The following HMGCLL1 variants were observed in gnomAD, a reference collection of about 807,000 sequenced individuals.
The protein encoded by HMGCLL1 is 3-hydroxy-3-methylglutaryl-CoA lyase like 1, also known as 3-hydroxymethyl-3-methylglutaryl-CoA lyase, cytoplasmic.
HMGCLL1 carries 36 observed loss-of-function variants against 39.1 expected under a neutral mutation model. That is an observed-to-expected ratio of 0.92 (90% CI 0.71 to 1.22). The LOEUF (loss-of-function observed/expected upper bound fraction) is 1.22, where lower values mean the gene tolerates loss of function less well. HMGCLL1 is among the 50% of genes most tolerant of loss of function. The probability of loss-of-function intolerance (pLI) is 0.00; values close to 1 mark genes in which losing one functional copy is unlikely to be tolerated. For synonymous variants in HMGCLL1, 149 were observed against 144.0 expected (o/e 1.03, Z -0.25); for missense variants, 451 against 416.5 (o/e 1.08, Z -0.72).
the HMGCLL1 span, among the ~76,000 whole-genome samples, chr6:55,592,443 T>C: frequency 6.6e-6 from 1 of 152,208 alleles, no homozygotes; most frequent in East Asian, 1.9e-4. Flanking sequence ...TGTTTGTTGG[T>C]CTTTATGCTT....
At chr6:55,545,225 A>AG (rs1458561798) in intron 1 of HMGCLL1, among the ~76,000 whole-genome samples, 12 of 67,330 alleles carry the variant, frequency 1.8e-4, no homozygotes, top group South Asian at 1.6e-3. Context: ...AAAAAAAAAA[A>AG]AAAGAAGAAA....
chr6:55,553,100 G>C (rs1413531835), intron 1 of HMGCLL1, among the ~76,000 whole-genome samples: 1 of 151,592 alleles, frequency 6.6e-6, no homozygotes, highest in African/African-American at 2.4e-5. Context: ...CCGAGATCGT[G>C]CCATTGCACT....
At chr6:55,489,884 A>G (rs1038725535) in intron 7 of HMGCLL1, among the ~76,000 whole-genome samples, 5 of 152,142 alleles carry the variant, frequency 3.3e-5, no homozygotes, top group African/African-American at 1.2e-4. Flanking sequence ...CTTCTAGTGT[A>G]ACAGAATTCT....
chr6:55,661,302 C>T, the HMGCLL1 span, among the ~76,000 whole-genome samples: 1 of 151,746 alleles, frequency 6.6e-6, no homozygotes, highest in Non-Finnish European at 1.5e-5. Context: ...TTCCTATTTC[C>T]AGAAGTCTGT....
intron 3 of HMGCLL1, among the ~76,000 whole-genome samples, chr6:55,537,641 C>A (rs1381213941): frequency 2.0e-5 from 3 of 152,090 alleles, no homozygotes. Flanking sequence ...ACTCAGGGAC[C>A]ATTCACGTGC....
At chr6:55,667,497 A>T in the HMGCLL1 span, among the ~76,000 whole-genome samples, 1 of 151,740 alleles carries the variant, frequency 6.6e-6, no homozygotes, top group African/African-American at 2.4e-5. Context: ...AAGCCTACTC[A>T]GCTAATAAGT....
the HMGCLL1 span, among the ~76,000 whole-genome samples, chr6:55,617,511 T>G: frequency 1.3e-5 from 2 of 152,098 alleles, no homozygotes; most frequent in African/African-American, 4.8e-5. Flanking sequence ...TGCTAGGTTG[T>G]GAGGAGAGGG....
chr6:55,495,372 G>A, intron 7 of HMGCLL1, 47 bp downstream of exon 7: 2 of 1,372,496 alleles, frequency 1.5e-6, no homozygotes, highest in East Asian at 2.4e-5. Flanking sequence ...TACAGATAAA[G>A]ATGAACACCC....
chr6:55,579,046 C>T lies in HMGCLL1; in HGVS notation c.10G>A (p.Val4Met). MGN[V>M]PSAVKHCLSY... The stretch of plus-strand genomic sequence containing the variant: ...AGGCAGTGCTTCACCGCGGATGGCA[C>T]ATTCCCCATGGCGGAGCCTGGGGCG... Residue 4 changes from valine (V) to methionine (M), a missense_variant, in exon 1 of 9, where the codon GTG becomes ATG. Transcript: ENST00000274901. 1.2e-6 allele frequency: 2 copies of T among 1,611,194 alleles called. No individual in the cohort carries two copies. Among genetic ancestry groups the T allele is most frequent in the Non-Finnish European group, 1.7e-6 (2 of 1,178,550 alleles).
chr6:55,663,586 T>C, the HMGCLL1 span, among the ~76,000 whole-genome samples: 2 of 152,042 alleles, frequency 1.3e-5, no homozygotes, highest in East Asian at 3.9e-4. Context: ...AGGATTGTTT[T>C]ACTTTCAATG....
chr6:55,499,853 G>A (rs1209623751), intron 5 of HMGCLL1, among the ~76,000 whole-genome samples: 2 of 151,902 alleles, frequency 1.3e-5, no homozygotes, highest in Non-Finnish European at 2.9e-5. Context: ...AAACAGAAGA[G>A]TGTCTAGTGT....
intron 3 of HMGCLL1, among the ~76,000 whole-genome samples, chr6:55,537,927 A>G (rs569851810): frequency 1.3e-5 from 2 of 152,316 alleles, no homozygotes; most frequent in South Asian, 4.1e-4. Context: ...ATATCATTTT[A>G]TAGTCCTATC....
chr6:55,595,894 G>C, the HMGCLL1 span, among the ~76,000 whole-genome samples: 1 of 152,182 alleles, frequency 6.6e-6, no homozygotes, highest in Admixed American at 6.6e-5. Flanking sequence ...TTACTCTTCA[G>C]TGGTCATCTT....
chr6:55,577,005 CAGTG>C (rs1329110257), intron 1 of HMGCLL1: 1 of 1,577,534 alleles, frequency 6.3e-7, no homozygotes, highest in Non-Finnish European at 8.7e-7. Context: ...GTAATCAAAT[CAGTG>C]AGTGTAGATT....
At chr6:55,542,694 A>G (rs1175596596) in intron 1 of HMGCLL1, among the ~76,000 whole-genome samples, 2 of 150,874 alleles carry the variant, frequency 1.3e-5, no homozygotes, top group East Asian at 3.9e-4. Context: ...TAGGAGAATC[A>G]CTTGAACCCA....
chr6:55,634,076 CT>C, the HMGCLL1 span, among the ~76,000 whole-genome samples: 3,972 of 148,086 alleles, frequency 0.027, 74 homozygotes, highest in Middle Eastern at 0.076. Context: ...GGAAGGCAAA[CT>C]TTTTTTTTTA....
At chr6:55,477,724 A>G (rs937666803) in intron 7 of HMGCLL1, among the ~76,000 whole-genome samples, 3 of 149,368 alleles carry the variant, frequency 2.0e-5, no homozygotes, top group African/African-American at 7.5e-5. Context: ...CTTCTAATAA[A>G]TTTTCTAATG....
intron 3 of HMGCLL1, among the ~76,000 whole-genome samples, chr6:55,521,452 G>A (rs530907076): frequency 7.2e-5 from 11 of 152,114 alleles, no homozygotes; most frequent in Admixed American, 3.9e-4. Flanking sequence ...GCTCTGAGTT[G>A]ATCAAGATCT....
intron 5 of HMGCLL1, among the ~76,000 whole-genome samples, chr6:55,510,621 T>C (rs1395791187): frequency 8.1e-5 from 9 of 110,640 alleles, no homozygotes; most frequent in Admixed American, 5.5e-4. Flanking sequence ...AAGGGGAACA[T>C]CACACTCTGG....
Sources: gnomAD v4.1 joint callset for allele counts (sites outside exome capture counted in the v4.1 genomes callset) on GRCh38, gnomAD v4.1.1 for gene constraint, MANE v1.5 for transcripts, NCBI Gene and HGNC (gene_info 2026-07-23, HGNC 2026-07-21) for gene names.